PLG: variants seen among roughly 807,000 people sequenced by gnomAD.
PLG encodes plasmin.
In PLG, 41 loss-of-function variants were observed where a neutral mutation model predicts 104.4. That is an observed-to-expected ratio of 0.39 (90% confidence interval 0.31 to 0.51). PLG has a LOEUF of 0.51. Ranked by LOEUF, PLG falls within the 20% of genes least tolerant of loss-of-function variation. PLG has a pLI of 0.76. For synonymous variants in PLG, 337 were observed against 357.1 expected, an observed-to-expected ratio of 0.94 and a Z score of 0.63; for missense variants, 891 against 1,003.6, an observed-to-expected ratio of 0.89 and a Z score of 1.52.
intron 12 of PLG, among the ~76,000 whole-genome samples, chr6:160,733,719 C>T (rs779518631): frequency 4.0e-5 from 6 of 151,632 alleles, no homozygotes; most frequent in African/African-American, 7.3e-5. Context: ...TGGCGTGCAC[C>T]TGCAGTTGCA....
At chr6:160,745,469 C>T (rs903001832) in intron 17 of PLG, among the ~76,000 whole-genome samples, 1 of 152,064 alleles carries the variant, frequency 6.6e-6, no homozygotes, top group Non-Finnish European at 1.5e-5. Context: ...GGATGGCAAC[C>T]CTTGCTTTTT....
chr6:160,731,970 A>C lies in PLG; in HGVS notation c.1587+77A>C. Reference sequence around the variant, plus strand: ...AACAGAATTGGTTCTGTGTTACAGAAAATCTGACCTGGACTGCTCTTTTTT... The same window carrying C: ...AACAGAATTGGTTCTGTGTTACAGACAATCTGACCTGGACTGCTCTTTTTT... On this transcript the variant is annotated intron_variant, in intron 12 of 18. Transcript: ENST00000308192. This position sits in a 1 kb window ranked among gnomAD's most constrained non-coding sequence, Gnocchi z 5.1. The C allele has an allele frequency of 6.8e-7, 1 of 1,464,692 alleles. No homozygotes were observed. Among genetic ancestry groups the C allele is most frequent in the East Asian group, 2.3e-5 (1 of 44,156 alleles). 90.7% of individuals were successfully genotyped at this position (1,464,692 alleles called of 1,614,324 possible). A position where few individuals can be genotyped will look rare whatever the true frequency, so the allele number is the denominator to read the frequency against.
In PLG at chr6:160,735,198, C is replaced by T. The variant is rs543643510; in HGVS notation, c.1681+1110C>T. ...GTGGCACCTCTAACTCAAAGTCCCT[C>T]GATGGAGTCAGTTCCAGTTCTCCAC... On this transcript the variant is annotated intron_variant, in intron 13 of 18. Coordinates refer to ENST00000308192, the MANE Select transcript of PLG (RefSeq NM_000301.5). This position sits in a 1 kb window ranked among gnomAD's most constrained non-coding sequence, Gnocchi z 5.4. Among the ~76,000 whole-genome samples, 31 of 152,284 alleles carry T rather than the reference C, an allele frequency of 2.0e-4. No homozygotes were observed. Among genetic ancestry groups the T allele is most frequent in the Non-Finnish European group, 3.8e-4 (26 of 68,022 alleles).
Position 160,748,378 on chromosome 6 carries a change from A to AGAG in PLG, c.2126-3737_2126-3736insGAG, listed in dbSNP as rs1562383356. Among the ~76,000 whole-genome samples, 230 of 41,540 alleles carry AGAG rather than the reference A, an allele frequency of 5.5e-3. 20 individuals are homozygous for AGAG. The highest frequency in any genetic ancestry group is 0.022 in the East Asian group (7 of 316). The allele number at this position is 41,540 out of a possible 152,430, so 27.3% of individuals were successfully genotyped here. A position where few individuals can be genotyped will look rare whatever the true frequency, so the allele number is the denominator to read the frequency against. On this transcript the variant is annotated intron_variant, in intron 17 of 18. Coordinates refer to ENST00000308192, the MANE Select transcript of PLG (RefSeq NM_000301.5). Reference sequence around the variant, plus strand: ...AAAGAAAGAAAGAAAGAAAGAAAGAAAGAAAGAAAGAAAGAAAGAAAGGAA... The same window carrying AGAG: ...AAAGAAAGAAAGAAAGAAAGAAAGAAGAGAGAAAGAAAGAAAGAAAGAAAGGAA...
In PLG at chr6:160,718,813, A is replaced by G. The variant is rs146041064; in HGVS notation, c.1071A>G (p.Val357=). The change falls in exon 9 of 19, where the codon GTA becomes GTG. Residue 357 remains valine (V), a synonymous_variant. Coordinates refer to ENST00000308192, the MANE Select transcript of PLG (RefSeq NM_000301.5). ...CKIPSCDSSP[V]STEQLAPTAP... ...TACCGTCCTGTGACTCCTCCCCAGT[A>G]TCCACGGAACAATTGGCTCCCACAG... 2.1e-5 allele frequency: 34 copies of G among 1,613,894 alleles called. No individual in the cohort carries two copies. In the African/African-American group the frequency reaches 3.9e-4, roughly 18 times the overall value.
Position 160,738,342 on chromosome 6 carries a change from G to GCCATCT in PLG, c.1803-196_1803-195insCCATCT. On this transcript the variant is annotated intron_variant, in intron 14 of 18. Coordinates refer to ENST00000308192, the MANE Select transcript of PLG (RefSeq NM_000301.5). This position sits in a 1 kb window ranked among gnomAD's most constrained non-coding sequence, Gnocchi z 6.8. Reference sequence around the variant, plus strand: ...CCCAAGCATCGGAAAAATTGGCATAGATGGGCCCTTCTCAAAAATCCCACT... The same window carrying GCCATCT: ...CCCAAGCATCGGAAAAATTGGCATAGCCATCTATGGGCCCTTCTCAAAAATCCCACT... 1.7e-6 allele frequency: 1 copy of GCCATCT among 600,698 alleles called. No individual in the cohort carries two copies. The highest frequency in any genetic ancestry group is 3.1e-6 in the Non-Finnish European group (1 of 326,024). 37.2% of individuals were successfully genotyped at this position (600,698 alleles called of 1,614,324 possible).
intron 10 of PLG, among the ~76,000 whole-genome samples, chr6:160,730,108 G>A (rs1024496375): frequency 2.0e-5 from 3 of 152,196 alleles, no homozygotes. Context: ...CTGAGAGGTT[G>A]GAGCAACATT....
rs1778115446 is a variant in PLG, at chr6:160,737,972, A to G, written c.1803-566A>G. On this transcript the variant is annotated intron_variant, in intron 14 of 18. Coordinates refer to ENST00000308192, the MANE Select transcript of PLG (RefSeq NM_000301.5). The surrounding 1 kb of genome is among the most constrained non-coding windows in gnomAD (Gnocchi z 4.7). ...TCCTATCTCTATTCCTCTTCTTTAA[A>G]TTTGGTTCCAAATGGCTCACACCAT... 6.6e-6 allele frequency among the ~76,000 whole-genome samples: 1 copy of G among 151,862 alleles called. No individual in the cohort carries two copies. Among genetic ancestry groups the G allele is most frequent in the African/African-American group, 2.4e-5 (1 of 41,328 alleles).
At position 160,740,342 on chromosome 6, in the gene PLG, C is replaced by T. The variant is rs564391546; in HGVS notation, c.2019-969C>T. On this transcript the variant is annotated intron_variant, in intron 16 of 18. Transcript: ENST00000308192. The surrounding 1 kb of genome is among the most constrained non-coding windows in gnomAD (Gnocchi z 5.2). Reference sequence around the variant, plus strand: ...AGCAAATGTGCAAATAGAAGGTCCCCGTTCCTCATGATCCTCAGAGAGCTG... The same window carrying T: ...AGCAAATGTGCAAATAGAAGGTCCCTGTTCCTCATGATCCTCAGAGAGCTG... Among the ~76,000 whole-genome samples the T allele has an allele frequency of 3.9e-5, 6 of 152,312 alleles. No homozygotes were observed. The highest frequency in any genetic ancestry group is 1.9e-4 in the East Asian group (1 of 5,186).
In PLG at chr6:160,716,766, G is replaced by C. The variant is rs1562374234; in HGVS notation, c.787+3G>C. On this transcript the variant is annotated splice_donor_region_variant and intron_variant, in intron 7 of 18. Coordinates refer to ENST00000308192, the MANE Select transcript of PLG (RefSeq NM_000301.5). ...ACTTTGTGACATCCCCCGCTGCAGT[G>C]AGTATGATGCACACCCAGATTCCAG... is the stretch of plus-strand genomic sequence containing the variant. The C allele has an allele frequency of 2.6e-6, 4 of 1,519,244 alleles. No homozygotes were observed. Among genetic ancestry groups the C allele is most frequent in the Non-Finnish European group, 3.7e-6 (4 of 1,093,472 alleles). The allele number at this position is 1,519,244 out of a possible 1,614,324, so 94.1% of individuals were successfully genotyped here. A position where few individuals can be genotyped will look rare whatever the true frequency, so the allele number is the denominator to read the frequency against.
At position 160,746,987 on chromosome 6, in the gene PLG, A is replaced by G. The variant is rs181865863; in HGVS notation, c.2126-5128A>G. ...ATCCATAATTTCAGCATTCCTGAGTATGCTTCCCTGGGTAAGTGGGGTTTT... is the reference window on the plus strand; with the variant it reads ...ATCCATAATTTCAGCATTCCTGAGTGTGCTTCCCTGGGTAAGTGGGGTTTT... On this transcript the variant is annotated intron_variant, in intron 17 of 18. Coordinates refer to ENST00000308192, the MANE Select transcript of PLG (RefSeq NM_000301.5). Among the ~76,000 whole-genome samples the G allele has an allele frequency of 1.4e-4, 21 of 152,368 alleles. No homozygotes were observed. In the East Asian group the frequency reaches 3.9e-3, roughly 28 times the overall value.
intron 1 of PLG, among the ~76,000 whole-genome samples, chr6:160,703,118 G>A (rs1461970057): frequency 2.0e-5 from 3 of 151,962 alleles, no homozygotes; most frequent in Non-Finnish European, 4.4e-5. Context: ...CATGTTATTT[G>A]CTCAGTGACC....
At chr6:160,716,143 C>T (rs1562373999) in intron 6 of PLG, among the ~76,000 whole-genome samples, 1 of 152,226 alleles carries the variant, frequency 6.6e-6, no homozygotes. Context: ...CTGTTAGGTA[C>T]TAGATGAGTA....
At chr6:160,733,637 C>T (rs917388761) in intron 12 of PLG, among the ~76,000 whole-genome samples, 2 of 151,810 alleles carry the variant, frequency 1.3e-5, no homozygotes, top group South Asian at 2.1e-4. Flanking sequence ...GTCAGGAGTT[C>T]GAGACTAGCC....
In PLG at chr6:160,717,420, A is replaced by G. The variant is rs143386845; in HGVS notation, c.787+657A>G. ...TCTGACATGTGTCCTTTGAAAGCGG[A>G]AGTTCCTCAGGCATTCTCCCTTTTT... On this transcript the variant is annotated intron_variant, in intron 7 of 18. Coordinates refer to ENST00000308192, the MANE Select transcript of PLG (RefSeq NM_000301.5). Among the ~76,000 whole-genome samples, 417 of 152,210 alleles carry G rather than the reference A, an allele frequency of 2.7e-3. 1 individual carries two copies. Among genetic ancestry groups the G allele is most frequent in the Non-Finnish European group, 4.1e-3 (279 of 68,006 alleles).
chr6:160,707,500 A>G (rs1051073871), intron 2 of PLG, among the ~76,000 whole-genome samples, 200 bp from the exon 3 acceptor site: 1 of 152,184 alleles, frequency 6.6e-6, no homozygotes, highest in South Asian at 2.1e-4. Context: ...GTAAGGGCAG[A>G]TAAGATTTGC....
rs66538071 is a variant in PLG, at chr6:160,749,482, T to TCAC, written c.2126-2613_2126-2611dup. Among the ~76,000 whole-genome samples, 991 of 147,816 alleles carry TCAC rather than the reference T, an allele frequency of 6.7e-3. 6 individuals carry two copies. The highest frequency in any genetic ancestry group is 0.013 in the Admixed American group (194 of 14,980). On this transcript the variant is annotated intron_variant, in intron 17 of 18. Transcript: ENST00000308192. ...ACCATTAACATTACCATCACTATCA[T>TCAC]CACCACCACCACCACCACCACCCCC...
At position 160,738,581 on chromosome 6, in the gene PLG, T is replaced by G. The variant is rs1464266121; in HGVS notation, c.1846T>G (p.Trp616Gly). ...FCGGTLISPE[W>G]VLTAAHCLEK... is the part of the protein sequence containing the mutation. ...TGGAGGCACCTTGATATCCCCAGAG[T>G]GGGTGTTGACTGCTGCCCACTGCTT... Residue 616 changes from tryptophan to glycine, a missense_variant, in exon 15 of 19, where the codon TGG becomes GGG. Coordinates refer to ENST00000308192, the MANE Select transcript of PLG (RefSeq NM_000301.5). The surrounding 1 kb of genome is among the most constrained non-coding windows in gnomAD (Gnocchi z 6.8). 6.2e-7 allele frequency: 1 copy of G among 1,611,802 alleles called. No individual in the cohort carries two copies. Among genetic ancestry groups the G allele is most frequent in the Admixed American group, 1.7e-5 (1 of 60,016 alleles).
intron 10 of PLG, among the ~76,000 whole-genome samples, chr6:160,730,565 G>T (rs1343451685): frequency 2.0e-5 from 3 of 152,210 alleles, no homozygotes; most frequent in African/African-American, 7.2e-5. Flanking sequence ...GCCTGGGAAT[G>T]ATACCATCTT....
Sources: gnomAD v4.1 joint callset for allele counts (sites outside exome capture counted in the v4.1 genomes callset) on GRCh38, gnomAD v4.1.1 for gene constraint, Gnocchi (gnomAD v3.1) non-coding constraint, MANE v1.5 for transcripts, NCBI Gene and HGNC (gene_info 2026-07-23, HGNC 2026-07-21) for gene names.